RRM1: variants seen among roughly 807,000 people sequenced by gnomAD.
The protein encoded by RRM1 is ribonucleoside-diphosphate reductase large subunit.
A neutral mutation model predicts 101.5 loss-of-function variants in RRM1; 19 were observed. The ratio of observed to expected loss-of-function variants is 0.19; its 90% CI spans 0.13 to 0.27. The LOEUF (loss-of-function observed/expected upper bound fraction) is 0.27. RRM1 is among the 10% of genes least tolerant of loss of function. RRM1 has a pLI of 1.00. For synonymous variants in RRM1, 298 were observed against 323.4 expected (o/e 0.92, Z 0.84); for missense variants, 500 against 962.9 (o/e 0.52, Z 6.36).
chr11:4,113,974 G>A (rs897125260), intron 7 of RRM1, among the ~76,000 whole-genome samples: 1 of 151,164 alleles, frequency 6.6e-6, no homozygotes, highest in Non-Finnish European at 1.5e-5. Flanking sequence ...TAAAAATATA[G>A]ATATAAAAAA....
chr11:4,103,781 A>ATTTTTTTTTTTTTTTTTTTT, intron 2 of RRM1, among the ~76,000 whole-genome samples: 2 of 115,258 alleles, frequency 1.7e-5, no homozygotes, highest in Non-Finnish European at 3.5e-5. Context: ...CCACCACGCT[A>ATTTTTTTTTTTTTTTTTTTT]TTTTTTTTTT....
intron 17 of RRM1, among the ~76,000 whole-genome samples, chr11:4,134,824 A>T (rs2094606204): frequency 6.6e-6 from 1 of 152,200 alleles, no homozygotes; most frequent in Non-Finnish European, 1.5e-5. Context: ...AAAATTAAAA[A>T]ATTGGTTTAT....
rs763749394 is a variant in RRM1, at chr11:4,123,241, A to G, written c.1177A>G (p.Ile393Val). 6.2e-7 allele frequency: 1 copy of G among 1,614,014 alleles called. No individual in the cohort carries two copies. Among genetic ancestry groups the G allele is most frequent in the African/African-American group, 1.3e-5 (1 of 74,894 alleles). Residue 393 changes from isoleucine to valine, a missense_variant, in exon 12 of 19, where the codon ATC becomes GTC. Ile to Val is a conservative substitution (Grantham distance 29, BLOSUM62 3). Coordinates refer to ENST00000300738, the MANE Select transcript of RRM1 (RefSeq NM_001033.5). ...VVKAQQLWYA[I>V]IESQTETGTP... ...AAAAGCTCAGCAGCTTTGGTATGCC[A>G]TCATTGAGTCTCAGACGGAAACAGG...
chr11:4,098,329 C>G (rs1459714069), intron 1 of RRM1, among the ~76,000 whole-genome samples: 2 of 148,898 alleles, frequency 1.3e-5, no homozygotes, highest in Non-Finnish European at 3.0e-5. Context: ...TTCCCTCCCT[C>G]CTTGCTTCCT....
chr11:4,135,734 A>C (rs2094608497), intron 18 of RRM1, among the ~76,000 whole-genome samples: 1 of 152,112 alleles, frequency 6.6e-6, no homozygotes, highest in Non-Finnish European at 1.5e-5. Context: ...TTCTCACTTT[A>C]TAAAGTGAAA....
intron 11 of RRM1, among the ~76,000 whole-genome samples, chr11:4,122,462 T>A (rs232045): frequency 0.93 from 141,712 of 152,284 alleles, 66,014 homozygotes; most frequent in South Asian, 0.96. Flanking sequence ...CCTTTTAAAA[T>A]TTAAGATGAC....
At chr11:4,116,828 G>A (rs999010150) in intron 7 of RRM1, among the ~76,000 whole-genome samples, 11 of 151,978 alleles carry the variant, frequency 7.2e-5, no homozygotes, top group Admixed American at 3.9e-4. Flanking sequence ...TTAGCCAGGC[G>A]TGGTGGTGCA....
At chr11:4,105,738 T>G in intron 2 of RRM1, 3 of 384,992 alleles carry the variant, frequency 7.8e-6, no homozygotes, top group African/African-American at 2.1e-5. Context: ...TCTGTGGAGA[T>G]TGGGGGCGGG....
rs113559064 is a variant in RRM1, at chr11:4,102,093, T to C, written c.108+12T>C. 8.1e-5 allele frequency: 112 copies of C among 1,388,170 alleles called. No homozygotes were observed. The African/African-American group carries it at 1.2e-3, about 14-fold the overall frequency. 86.0% of individuals were successfully genotyped at this position (1,388,170 alleles called of 1,614,324 possible). On this transcript the variant is annotated intron_variant, in intron 2 of 18. Coordinates refer to ENST00000300738, the MANE Select transcript of RRM1 (RefSeq NM_001033.5). ...ATTTTGTTGATCCTGTAAGTAAATA[T>C]GGTTTTTATCTTGGGTTCCTTCTTT...
chr11:4,131,297 C>G (rs1423624198), intron 15 of RRM1, among the ~76,000 whole-genome samples: 1 of 152,192 alleles, frequency 6.6e-6, no homozygotes, highest in Non-Finnish European at 1.5e-5. Flanking sequence ...ATTAAATTAC[C>G]TCCCGCCAGG....
intron 3 of RRM1, among the ~76,000 whole-genome samples, chr11:4,106,963 G>A (rs1435483712): frequency 1.3e-5 from 2 of 150,710 alleles, no homozygotes. Context: ...GTGTGATTTC[G>A]GCTCACTGCA....
At chr11:4,110,054 C>T (rs1277574657) in intron 5 of RRM1, among the ~76,000 whole-genome samples, 1 of 152,150 alleles carries the variant, frequency 6.6e-6, no homozygotes, top group African/African-American at 2.4e-5. Flanking sequence ...ATTCCAGTCT[C>T]TGCTCTATTT....
At chr11:4,095,126 CTTCCCGCCT>C in intron 1 of RRM1, 95 bp downstream of exon 1, 1 of 1,379,284 alleles carries the variant, frequency 7.3e-7, no homozygotes, top group Non-Finnish European at 1.0e-6. Context: ...GCCTTCGCTG[CTTCCCGCCT>C]TTCCCGCATT....
chr11:4,126,892 A>G (rs1590729349), intron 13 of RRM1, 59 bp downstream of exon 13: 3 of 1,490,070 alleles, frequency 2.0e-6, no homozygotes, highest in Non-Finnish European at 1.8e-6. Flanking sequence ...AAAGGAATCA[A>G]TCATGATCTT....
At chr11:4,128,277 CA>C (rs1401585484) in intron 14 of RRM1, among the ~76,000 whole-genome samples, 8 of 151,536 alleles carry the variant, frequency 5.3e-5, no homozygotes, top group African/African-American at 1.9e-4. Context: ...TCTGCTGCCT[CA>C]AGTCTCCCGA....
intron 4 of RRM1, among the ~76,000 whole-genome samples, chr11:4,108,185 T>G (rs965798288): frequency 1.3e-5 from 2 of 152,232 alleles, no homozygotes; most frequent in Non-Finnish European, 2.9e-5. Context: ...TTGAACCTGT[T>G]TCTTAACTAG....
chr11:4,123,451 C>T (rs1590726740), intron 12 of RRM1, 67 bp downstream of exon 12: 4 of 1,283,548 alleles, frequency 3.1e-6, no homozygotes, highest in East Asian at 4.7e-5. Context: ...TTTGTGAATT[C>T]CTCACTTGAT....
intron 12 of RRM1, 147 bp from the exon 13 acceptor site, chr11:4,126,537 G>A: frequency 1.5e-6 from 1 of 658,956 alleles, no homozygotes. Flanking sequence ...ATTTAGAAAT[G>A]GACTGATGAA....
intron 8 of RRM1, 72 bp from the exon 9 acceptor site, chr11:4,119,773 A>G (rs1298081369): frequency 4.5e-6 from 4 of 893,850 alleles, no homozygotes; most frequent in Non-Finnish European, 7.3e-6. Flanking sequence ...TTTTTTGATA[A>G]AAGAATGGGG....
Sources: allele counts gnomAD v4.1 joint callset (sites outside exome capture counted in the v4.1 genomes callset), GRCh38; gene constraint gnomAD v4.1.1; transcripts MANE v1.5; gene names NCBI Gene and HGNC (gene_info 2026-07-23, HGNC 2026-07-21).